JPH3: variants seen among roughly 807,000 people sequenced by gnomAD.
JPH3 encodes junctophilin-3.
A neutral mutation model predicts 59.6 loss-of-function variants in JPH3; 11 were observed. The observed-to-expected ratio is 0.18, with a 90% CI of 0.12 to 0.31. The LOEUF (loss-of-function observed/expected upper bound fraction) is 0.31, where lower values mean the gene tolerates loss of function less well. Ranked by LOEUF, JPH3 falls within the 10% of genes least tolerant of loss-of-function variation. The probability of loss-of-function intolerance (pLI) is 1.00; values close to 1 mark genes in which losing one functional copy is unlikely to be tolerated. For synonymous variants in JPH3, 673 were observed against 483.6 expected, an observed-to-expected ratio of 1.39 and a Z score of -5.14; for missense variants, 1,202 against 1,105.7, an observed-to-expected ratio of 1.09 and a Z score of -1.24.
intron 1 of JPH3, among the ~76,000 whole-genome samples, chr16:87,608,019 G>A (rs556490455): frequency 7.2e-5 from 11 of 152,260 alleles, no homozygotes; most frequent in Admixed American, 1.3e-4. Flanking sequence ...CCCTACCCAC[G>A]TTGGCCGTGA....
At chr16:87,629,933 C>A (rs1211740112) in intron 1 of JPH3, among the ~76,000 whole-genome samples, 1 of 152,170 alleles carries the variant, frequency 6.6e-6, no homozygotes, top group African/African-American at 2.4e-5. Context: ...TGGGAACTCT[C>A]TGTACTTTCC....
At chr16:87,626,054 C>A (rs969776818) in intron 1 of JPH3, among the ~76,000 whole-genome samples, 4 of 152,120 alleles carry the variant, frequency 2.6e-5, no homozygotes, top group Admixed American at 2.0e-4. Flanking sequence ...TTGGAGTATG[C>A]GTAAGTTACT....
rs1487466268 is a variant in JPH3 at position 87,623,662 on chromosome 16, C to T, written c.382+20134C>T. On this transcript the variant is annotated intron_variant, in intron 1 of 4. Coordinates refer to ENST00000284262, the MANE Select transcript of JPH3 (RefSeq NM_020655.4). ...CGGACCCCCTCACCTCACTCTCCTCCTTCGGAGCCAAAGTGGTGCCTGAAA... is the reference window on the plus strand; with the variant it reads ...CGGACCCCCTCACCTCACTCTCCTCTTTCGGAGCCAAAGTGGTGCCTGAAA... 3.3e-5 allele frequency among the ~76,000 whole-genome samples: 5 copies of T among 152,358 alleles called. No homozygotes were observed. In the East Asian group the frequency reaches 9.6e-4, roughly 29 times the overall value.
rs572686519 is a variant in JPH3, at chr16:87,689,106, C to T, written c.1286-540C>T. On this transcript the variant is annotated intron_variant, in intron 3 of 4. Transcript: ENST00000284262. Reference sequence around the variant, plus strand: ...CTAGGACTTGAAGCCCCAGCAGCCTCGAAAGGTGGGGAGGGAAGTCGGCTC... The same window carrying T: ...CTAGGACTTGAAGCCCCAGCAGCCTTGAAAGGTGGGGAGGGAAGTCGGCTC... Among the ~76,000 whole-genome samples the T allele has an allele frequency of 1.1e-3, 162 of 152,198 alleles. 3 individuals are homozygous for T. The highest frequency in any genetic ancestry group is 4.6e-4 in the African/African-American group (19 of 41,518).
At chr16:87,689,451 G>A (rs558394823) in intron 3 of JPH3, among the ~76,000 whole-genome samples, 195 bp from the exon 4 acceptor site, 1 of 152,274 alleles carries the variant, frequency 6.6e-6, no homozygotes, top group Non-Finnish European at 1.5e-5. Context: ...TCTGTGGGGT[G>A]GGGACCACGG....
rs368992633 is a variant in JPH3, at chr16:87,644,808, C to T, written c.933C>T (p.Tyr311=). Residue 311 remains tyrosine (Y), a synonymous_variant, in exon 2 of 5, where the codon TAC becomes TAT. Coordinates refer to ENST00000284262, the MANE Select transcript of JPH3 (RefSeq NM_020655.4). ...GCCAGCGCTCGGACGGGCTCAAGTA[C>T]GAGGGCGAGTGGGCCAGCAACCGGC... is the stretch of plus-strand genomic sequence containing the variant. ...GVSQRSDGLK[Y]EGEWASNRRH... 2.1e-5 allele frequency: 34 copies of T among 1,613,038 alleles called. No individual in the cohort carries two copies. The highest frequency in any genetic ancestry group is 1.1e-4 in the African/African-American group (8 of 74,820).
chr16:87,667,011 C>A (rs907212487), intron 2 of JPH3, among the ~76,000 whole-genome samples: 1 of 152,214 alleles, frequency 6.6e-6, no homozygotes. Flanking sequence ...CACAGAAACG[C>A]AGTCCCCCAG....
chr16:87,656,738 C>A (rs1349225631), intron 2 of JPH3, among the ~76,000 whole-genome samples: 2 of 152,198 alleles, frequency 1.3e-5, no homozygotes, highest in African/African-American at 4.8e-5. Flanking sequence ...CGTCTCTCTC[C>A]TGGTGTCCGC....
chr16:87,650,554 C>T (rs2150850295), intron 2 of JPH3, among the ~76,000 whole-genome samples: 1 of 152,320 alleles, frequency 6.6e-6, no homozygotes, highest in Non-Finnish European at 1.5e-5. Context: ...AAAGCCGAGA[C>T]AGGCCTCATG....
At position 87,696,693 on chromosome 16, in the gene JPH3, G is replaced by A. The variant is rs1316520337; in HGVS notation, c.*33G>A. On this transcript the variant is annotated 3_prime_UTR_variant, in exon 5 of 5. Coordinates refer to ENST00000284262, the MANE Select transcript of JPH3 (RefSeq NM_020655.4). Reference sequence around the variant, plus strand: ...TCGCGGTAGCAAAAATAGAGAAAGGGTAGAAAAAAGGGACATTAAAATTAA... The same window carrying A: ...TCGCGGTAGCAAAAATAGAGAAAGGATAGAAAAAAGGGACATTAAAATTAA... 1.9e-6 allele frequency: 3 copies of A among 1,543,342 alleles called. No individual in the cohort carries two copies. The highest frequency in any genetic ancestry group is 2.2e-5 in the East Asian group (1 of 44,560).
chr16:87,684,448 G>C lies in JPH3; in HGVS notation c.1285+182G>C, dbSNP rs1406372534. On this transcript the variant is annotated intron_variant, in intron 3 of 4. Coordinates refer to ENST00000284262, the MANE Select transcript of JPH3 (RefSeq NM_020655.4). ...GCTTGTTTGTGCCAAGGCCTGGCCTGGCTCCCCGGGACACAGGACATGTGT... is the reference window on the plus strand; with the variant it reads ...GCTTGTTTGTGCCAAGGCCTGGCCTCGCTCCCCGGGACACAGGACATGTGT... The C allele has an allele frequency of 3.3e-6, 3 of 915,532 alleles. No individual in the cohort carries two copies. In the African/African-American group the frequency reaches 5.0e-5, roughly 15 times the overall value. 56.7% of individuals were successfully genotyped at this position (915,532 alleles called of 1,614,324 possible).
At chr16:87,653,594 C>G (rs1197582217) in intron 2 of JPH3, 1 of 152,208 alleles carries the variant, frequency 6.6e-6, no homozygotes, top group African/African-American at 2.4e-5. Context: ...AATTATAACA[C>G]AGCCTCGTAA....
intron 4 of JPH3, chr16:87,696,181 TTC>T (rs754139936): frequency 2.4e-5 from 11 of 453,286 alleles, no homozygotes. Context: ...CCTTCTGAGA[TTC>T]TGAGGTCCCA....
At position 87,663,115 on chromosome 16, in the gene JPH3, C is replaced by T. The variant is rs75718059; in HGVS notation, c.1160+18080C>T. 1.8e-3 allele frequency among the ~76,000 whole-genome samples: 258 copies of T among 143,446 alleles called. 3 individuals are homozygous for T. Among genetic ancestry groups the T allele is most frequent in the African/African-American group, 6.3e-3 (240 of 37,844 alleles). The allele number at this position is 143,446 out of a possible 152,430, so 94.1% of individuals were successfully genotyped here. A position where few individuals can be genotyped will look rare whatever the true frequency, so the allele number is the denominator to read the frequency against. On this transcript the variant is annotated intron_variant, in intron 2 of 4. Transcript: ENST00000284262. ...GTATTGTTTCAAGGTTAATTTCTTT[C>T]TTTTTTTTTTTGAGATGGAGTCGCG...
chr16:87,655,730 T>C (rs9923325), intron 2 of JPH3, among the ~76,000 whole-genome samples: 40,498 of 152,222 alleles, frequency 0.27, 5,988 homozygotes, highest in African/African-American at 0.37. Flanking sequence ...GAACACGTAA[T>C]GAGTGCAGTG....
At chr16:87,608,786 C>T (rs963807032) in intron 1 of JPH3, among the ~76,000 whole-genome samples, 2 of 152,166 alleles carry the variant, frequency 1.3e-5, no homozygotes, top group Non-Finnish European at 2.9e-5. Context: ...CCTGCGATCC[C>T]AACACTTTGG....
chr16:87,688,139 C>G (rs1020522884), intron 3 of JPH3, among the ~76,000 whole-genome samples: 2 of 152,146 alleles, frequency 1.3e-5, no homozygotes, highest in African/African-American at 4.8e-5. Context: ...ACCAGCCCAG[C>G]CCTGTTTCTG....
intron 2 of JPH3, among the ~76,000 whole-genome samples, chr16:87,655,669 A>C (rs1597266731): frequency 1.3e-5 from 2 of 152,180 alleles, no homozygotes; most frequent in South Asian, 4.1e-4. Context: ...GTTCTATTTT[A>C]ATTTCCTGTA....
Position 87,684,131 on chromosome 16 carries a change from G to T in JPH3, c.1161-11G>T, listed in dbSNP as rs1678768521. 6.2e-7 allele frequency: 1 copy of T among 1,612,182 alleles called. No homozygotes were observed. Among genetic ancestry groups the T allele is most frequent in the Admixed American group, 1.7e-5 (1 of 59,944 alleles). On this transcript the variant is annotated splice_polypyrimidine_tract_variant and intron_variant, in intron 2 of 4. Coordinates refer to ENST00000284262, the MANE Select transcript of JPH3 (RefSeq NM_020655.4). ...CCTGCCCCCCCTCACGCTCCTCCCT[G>T]TCTCCCCCAGGACCTCCCACTCTCG...
Sources: allele counts gnomAD v4.1 joint callset (sites outside exome capture counted in the v4.1 genomes callset), GRCh38; gene constraint gnomAD v4.1.1; transcripts MANE v1.5; gene names NCBI Gene and HGNC (gene_info 2026-07-23, HGNC 2026-07-21).